The following ASMT variants were observed in gnomAD, a reference collection of about 807,000 sequenced individuals.
ASMT encodes acetylserotonin O-methyltransferase.
Under a neutral mutation model 41.3 loss-of-function variants are expected in ASMT, and 53 were observed. The ratio of observed to expected loss-of-function variants is 1.28; its 90% CI spans 1.03 to 1.61. The LOEUF is 1.61. ASMT is among the 40% of genes most tolerant of loss of function. The pLI, the probability that ASMT is intolerant of heterozygous loss-of-function variation, is 0.00. For missense variants in ASMT, 531 were observed against 441.3 expected (o/e 1.20, Z -1.82); for synonymous variants, 231 against 184.8 (o/e 1.25, Z -2.03).
In ASMT at chrX:1,642,869, T is replaced by G. The variant is rs1935243186; in HGVS notation, c.977T>G (p.Leu326Arg). The change falls in exon 9 of 9, where the codon CTC becomes CGC. Residue 326 changes from leucine (L) to arginine (R), a missense_variant. Transcript: ENST00000381241. ...AGGCGAGGTCCTCTGCTCACGCAGC[T>G]CTACTCTCTGAACATGCTTGTGCAG... is the stretch of plus-strand genomic sequence containing the variant. Reference protein sequence around the residue: ...EDRRGPLLTQLYSLNMLVQTE... With the variant: ...EDRRGPLLTQRYSLNMLVQTE... 4 of 1,613,962 alleles carry G rather than the reference T, an allele frequency of 2.5e-6. No homozygotes were observed. In the East Asian group the frequency reaches 8.9e-5, roughly 36 times the overall value.
chrX:1,633,218 A>T lies in ASMT; in HGVS notation c.715A>T (p.Ile239Phe), dbSNP rs1446842712. 3.1e-6 allele frequency: 5 copies of T among 1,613,758 alleles called. No homozygotes were observed. The Admixed American group carries it at 8.3e-5, about 27-fold the overall frequency. Residue 239 changes from isoleucine (I) to phenylalanine (F), a missense_variant, in exon 7 of 9, where the codon ATC becomes TTC. Ile to Phe is a conservative substitution (Grantham distance 21). Coordinates refer to ENST00000381241, the MANE Select transcript of ASMT (RefSeq NM_001171038.2). ...TGGATGTAAGATCACCGTTTTTGAC[A>T]TCCCAGAAGTGGTGTGGACGGCAAA... ...YPGCKITVFDIPEVVWTAKQH... is the reference protein window; with the variant it reads ...YPGCKITVFDFPEVVWTAKQH...
At chrX:1,615,447 G>A (rs1467799863) in intron 1 of ASMT, among the ~76,000 whole-genome samples, 179 bp downstream of exon 1, 2 of 151,988 alleles carry the variant, frequency 1.3e-5, no homozygotes, top group Non-Finnish European at 2.9e-5. Context: ...TGTGCCCAGG[G>A]TGGTCTGGGG....
intron 2 of ASMT, 150 bp from the exon 3 acceptor site, chrX:1,624,119 G>T: frequency 8.9e-7 from 1 of 1,122,224 alleles, no homozygotes; most frequent in Non-Finnish European, 1.3e-6. Context: ...GAAGGCTCCA[G>T]CTGTACAAGG....
chrX:1,617,941 G>A (rs1185648313), intron 1 of ASMT, among the ~76,000 whole-genome samples: 1 of 152,114 alleles, frequency 6.6e-6, no homozygotes, highest in African/African-American at 2.4e-5. Flanking sequence ...CTTAGGAAGA[G>A]GTAGTGAAAA....
At chrX:1,627,618 TGAAACGAAATGAAAC>T (rs1934600858) in intron 3 of ASMT, 70 bp from the exon 4 acceptor site, 4 of 1,272,906 alleles carry the variant, frequency 3.1e-6, no homozygotes, top group Non-Finnish European at 4.5e-6. Context: ...TGAAATGAAA[TGAAACGAAATGAAAC>T]GAAATGAAAT....
chrX:1,630,294 A>C (rs1298004653), intron 5 of ASMT, among the ~76,000 whole-genome samples: 15 of 111,580 alleles, frequency 1.3e-4, no homozygotes, highest in African/African-American at 4.3e-4. Flanking sequence ...CCACCACACC[A>C]GGCTAATTTT....
chrX:1,636,361 CT>C, intron 7 of ASMT, 76 bp from the exon 8 acceptor site: 1 of 1,611,154 alleles, frequency 6.2e-7, no homozygotes, highest in Non-Finnish European at 8.5e-7. Flanking sequence ...TCCAGGTGAC[CT>C]TTTGTGCCCA....
At chrX:1,631,116 G>C (rs1432388299) in intron 5 of ASMT, among the ~76,000 whole-genome samples, 4 of 150,508 alleles carry the variant, frequency 2.7e-5, no homozygotes, top group African/African-American at 9.8e-5. Context: ...GGGTTTCTCC[G>C]TGTTAGCCAG....
At chrX:1,636,595 G>A (rs1252503347) in intron 8 of ASMT, 35 bp downstream of exon 8, 2 of 1,613,712 alleles carry the variant, frequency 1.2e-6, no homozygotes, top group Non-Finnish European at 1.7e-6. Context: ...GCGTGTGCTT[G>A]TGACACGGGG....
chrX:1,617,024 T>C (rs6644779), intron 1 of ASMT, among the ~76,000 whole-genome samples: 23,494 of 151,688 alleles, frequency 0.15, 2,343 homozygotes, highest in Middle Eastern at 0.34. Context: ...ATTTTAAAAA[T>C]TAGCCAGGTG....
At chrX:1,620,166 C>CTTTTT (rs1180256764) in intron 1 of ASMT, among the ~76,000 whole-genome samples, 5 of 95,370 alleles carry the variant, frequency 5.2e-5, no homozygotes, top group East Asian at 3.3e-4. Context: ...ATTAATATAG[C>CTTTTT]TTTTTTTTTT....
At chrX:1,632,384 G>T (rs1206718962) in intron 5 of ASMT, among the ~76,000 whole-genome samples, 2 of 152,138 alleles carry the variant, frequency 1.3e-5, no homozygotes, top group Admixed American at 6.6e-5. Flanking sequence ...GGGCGCGGTG[G>T]CTCACGCCTG....
chrX:1,624,472 C>T, intron 3 of ASMT, 74 bp downstream of exon 3: 3 of 1,420,412 alleles, frequency 2.1e-6, no homozygotes, highest in Non-Finnish European at 1.9e-6. Flanking sequence ...TGGGGGCTGC[C>T]CCCAGGCAGA....
intron 1 of ASMT, among the ~76,000 whole-genome samples, chrX:1,618,492 G>A (rs1201729454): frequency 2.0e-5 from 3 of 151,718 alleles, no homozygotes; most frequent in South Asian, 4.2e-4. Flanking sequence ...TAGAGATGAG[G>A]TTTCATCATG....
In ASMT at chrX:1,623,165, C is replaced by T. The variant is rs145400552; in HGVS notation, c.96C>T (p.Gly32=). 59 of 1,612,712 alleles carry T rather than the reference C, an allele frequency of 3.7e-5. No individual in the cohort carries two copies. The highest frequency in any genetic ancestry group is 1.0e-4 in the Admixed American group (6 of 59,966). The change falls in exon 2 of 9, where the codon GGC becomes GGT. Residue 32 remains glycine, a synonymous_variant. Coordinates refer to ENST00000381241, the MANE Select transcript of ASMT (RefSeq NM_001171038.2). ...SQVLFAACEL[G]VFDLLAEAPG... ...TTCTCTTCGCCGCCTGCGAGCTGGGCGTGTTTGACCTTCTCGCCGAGGCCC... is the reference window on the plus strand; with the variant it reads ...TTCTCTTCGCCGCCTGCGAGCTGGGTGTGTTTGACCTTCTCGCCGAGGCCC...
In ASMT at chrX:1,618,648, G is replaced by T. The variant is rs183568684; in HGVS notation, c.69+3380G>T. 5.4e-3 allele frequency among the ~76,000 whole-genome samples: 827 copies of T among 152,070 alleles called. 4 individuals carry two copies. Among genetic ancestry groups the T allele is most frequent in the Middle Eastern group, 0.02 (6 of 294 alleles). ...GACGGGGTTTCATCATGTTGTCCAG[G>T]CTGGTCTCGAACTCCTGACCTCGGG... On this transcript the variant is annotated intron_variant, in intron 1 of 8. Coordinates refer to ENST00000381241, the MANE Select transcript of ASMT (RefSeq NM_001171038.2).
chrX:1,623,623 G>A (rs1934418124), intron 2 of ASMT, among the ~76,000 whole-genome samples: 1 of 152,102 alleles, frequency 6.6e-6, no homozygotes, highest in Non-Finnish European at 1.5e-5. Context: ...GGGGTCGTGT[G>A]GTTTTTGTGG....
chrX:1,632,470 A>T (rs1241480459), intron 5 of ASMT, among the ~76,000 whole-genome samples: 7 of 152,170 alleles, frequency 4.6e-5, no homozygotes, highest in East Asian at 1.9e-4. Flanking sequence ...GCTAACACGG[A>T]GAAACCCTGT....
chrX:1,617,760 C>A (rs1303996553), intron 1 of ASMT, among the ~76,000 whole-genome samples: 4 of 148,722 alleles, frequency 2.7e-5, no homozygotes, highest in African/African-American at 9.9e-5. Context: ...GGAGTACAGG[C>A]GCGTTCCAAC....
Sources: gnomAD v4.1 joint callset for allele counts (sites outside exome capture counted in the v4.1 genomes callset) on GRCh38, gnomAD v4.1.1 for gene constraint, MANE v1.5 for transcripts, NCBI Gene and HGNC (gene_info 2026-07-23, HGNC 2026-07-21) for gene names.